Variants in ADCY8 observed in about 807,000 individuals in gnomAD.
The protein encoded by ADCY8 is adenylate cyclase type 8.
In ADCY8, 51 loss-of-function variants were observed where a neutral mutation model predicts 119.7. The ratio of observed to expected loss-of-function variants is 0.43; its 90% CI spans 0.34 to 0.54. ADCY8 has a LOEUF of 0.54. ADCY8 is among the 20% of genes least tolerant of loss of function. The pLI is 0.03. For synonymous variants in ADCY8, 665 were observed against 651.0 expected, an observed-to-expected ratio of 1.02 and a Z score of -0.33; for missense variants, 1,383 against 1,598.8, an observed-to-expected ratio of 0.87 and a Z score of 2.30.
intron 6 of ADCY8, among the ~76,000 whole-genome samples, chr8:130,909,002 TC>T (rs1563724442): frequency 0.025 from 3,748 of 150,030 alleles, 85 homozygotes; most frequent in South Asian, 0.06. Flanking sequence ...TCTCTCTCTC[TC>T]TCTCTCTTTC....
At chr8:130,937,330 T>G in intron 4 of ADCY8, 130 bp from the exon 5 acceptor site, 33 of 850,820 alleles carry the variant, frequency 3.9e-5, no homozygotes, top group Non-Finnish European at 4.8e-5. Context: ...ACCTTTGAAA[T>G]ATACTTCTAC....
intron 2 of ADCY8, among the ~76,000 whole-genome samples, chr8:130,969,948 G>A (rs1563749888): frequency 6.6e-6 from 1 of 152,068 alleles, no homozygotes; most frequent in Non-Finnish European, 1.5e-5. Context: ...CTTAATTTTT[G>A]TATCTTAATA....
intron 1 of ADCY8, among the ~76,000 whole-genome samples, chr8:131,036,796 A>G (rs2130817485): frequency 6.6e-6 from 1 of 152,288 alleles, no homozygotes; most frequent in South Asian, 2.1e-4. Flanking sequence ...TATGGCAAAA[A>G]TGAATAGCAT....
intron 1 of ADCY8, among the ~76,000 whole-genome samples, chr8:131,001,475 A>G (rs528797950): frequency 2.0e-5 from 3 of 151,908 alleles, no homozygotes; most frequent in South Asian, 2.1e-4. Flanking sequence ...GATCTGACCA[A>G]TGGGAATAAA....
intron 7 of ADCY8, among the ~76,000 whole-genome samples, chr8:130,900,814 C>T (rs1819573298): frequency 6.6e-6 from 1 of 152,226 alleles, no homozygotes; most frequent in Non-Finnish European, 1.5e-5. Flanking sequence ...ATTCTCGTGA[C>T]TATGAATACC....
chr8:130,943,497 G>GGGGGGGGGCCCCCCCCCCCC, intron 3 of ADCY8, 35 bp from the exon 4 acceptor site: 2 of 491,346 alleles, frequency 4.1e-6, no homozygotes, highest in East Asian at 5.4e-5. Flanking sequence ...GTGGGGGGAG[G>GGGGGGGGGCCCCCCCCCCCC]AAGTATATTA....
intron 1 of ADCY8, among the ~76,000 whole-genome samples, chr8:130,999,318 C>T (rs1435175795): frequency 6.6e-6 from 1 of 152,162 alleles, no homozygotes; most frequent in Non-Finnish European, 1.5e-5. Context: ...AGAAGATTCC[C>T]TCCTCACTTT....
In ADCY8 at chr8:130,838,681, T is replaced by C. The variant is rs1480518572; in HGVS notation, c.2503-2232A>G. ...ATTGTGTCCTTGGAACAAAAACTTA[T>C]GTGGTCACAACAGTTAATTTATAAA... On this transcript the variant is annotated intron_variant, in intron 11 of 17. Coordinates refer to ENST00000286355, the MANE Select transcript of ADCY8 (RefSeq NM_001115.3). Among the ~76,000 whole-genome samples the C allele has an allele frequency of 1.4e-5, 2 of 141,488 alleles. 1 individual carries two copies. The highest frequency in any genetic ancestry group is 3.2e-5 in the Non-Finnish European group (2 of 62,396). The allele number at this position is 141,488 out of a possible 152,430, so 92.8% of individuals were successfully genotyped here.
At chr8:130,882,917 C>T (rs1013787603) in intron 8 of ADCY8, among the ~76,000 whole-genome samples, 1 of 151,940 alleles carries the variant, frequency 6.6e-6, no homozygotes, top group African/African-American at 2.4e-5. Flanking sequence ...GCTGATGTGT[C>T]CTGTTGCCAT....
chr8:131,035,063 A>T (rs1824108059), intron 1 of ADCY8, among the ~76,000 whole-genome samples: 1 of 152,190 alleles, frequency 6.6e-6, no homozygotes, highest in Admixed American at 6.5e-5. Context: ...TATACATATA[A>T]CATCATTTTG....
chr8:130,852,680 C>T (rs1429296519), intron 9 of ADCY8, among the ~76,000 whole-genome samples: 2 of 152,106 alleles, frequency 1.3e-5, no homozygotes, highest in African/African-American at 4.8e-5. Context: ...TGTGGACCTC[C>T]ACATGGCATA....
intron 9 of ADCY8, among the ~76,000 whole-genome samples, chr8:130,850,322 C>T (rs1817480297): frequency 1.3e-5 from 2 of 152,120 alleles, no homozygotes; most frequent in Admixed American, 1.3e-4. Flanking sequence ...CATCCTTGTC[C>T]AAGGCATCAG....
At chr8:131,016,786 A>G (rs1226977243) in intron 1 of ADCY8, among the ~76,000 whole-genome samples, 1 of 152,022 alleles carries the variant, frequency 6.6e-6, no homozygotes, top group Non-Finnish European at 1.5e-5. Context: ...CACTGGCTCG[A>G]CCCGGCATGA....
intron 12 of ADCY8, among the ~76,000 whole-genome samples, chr8:130,827,063 A>T (rs1816691242): frequency 1.3e-5 from 2 of 152,146 alleles, no homozygotes; most frequent in South Asian, 2.1e-4. Context: ...TTAAAGTATA[A>T]AAAAAAGATG....
intron 2 of ADCY8, among the ~76,000 whole-genome samples, chr8:130,983,274 A>ACTGT (rs1450042798): frequency 9.2e-5 from 14 of 152,230 alleles, no homozygotes; most frequent in African/African-American, 2.7e-4. Flanking sequence ...TTTGGTAGAT[A>ACTGT]AATGCAGCCA....
rs1422062244 is a variant in ADCY8 at position 131,027,982 on chromosome 8, G to T, written c.960+11392C>A. Among the ~76,000 whole-genome samples the T allele has an allele frequency of 2.0e-5, 3 of 152,194 alleles. No individual in the cohort carries two copies. In the East Asian group the frequency reaches 5.8e-4, roughly 29 times the overall value. Reference sequence around the variant, plus strand: ...CACCCCAGACTTTGTGAAGCTCACAGCCCAGCTGGTGAGAGAGATGTGGAA... The same window carrying T: ...CACCCCAGACTTTGTGAAGCTCACATCCCAGCTGGTGAGAGAGATGTGGAA... On this transcript the variant is annotated intron_variant, in intron 1 of 17. Transcript: ENST00000286355.
chr8:130,809,571 C>G (rs1816095060), intron 14 of ADCY8, among the ~76,000 whole-genome samples: 1 of 103,798 alleles, frequency 9.6e-6, no homozygotes, highest in Admixed American at 1.1e-4. Flanking sequence ...TCCTCCACCT[C>G]CTTGACTGAT....
chr8:130,929,335 T>G (rs1486154670), intron 5 of ADCY8, among the ~76,000 whole-genome samples: 1 of 152,076 alleles, frequency 6.6e-6, no homozygotes, highest in Non-Finnish European at 1.5e-5. Flanking sequence ...AAGTTTGTTG[T>G]TTTCCAATTT....
intron 2 of ADCY8, among the ~76,000 whole-genome samples, chr8:130,959,021 G>C (rs1821520411): frequency 6.6e-6 from 1 of 152,080 alleles, no homozygotes; most frequent in Admixed American, 6.6e-5. Flanking sequence ...TAGGATTTCT[G>C]TAATTACGAA....
Sources: gnomAD v4.1 joint callset for allele counts (sites outside exome capture counted in the v4.1 genomes callset) on GRCh38, gnomAD v4.1.1 for gene constraint, MANE v1.5 for transcripts, NCBI Gene and HGNC (gene_info 2026-07-23, HGNC 2026-07-21) for gene names.